The following LRBA variants were observed in gnomAD, a reference collection of about 807,000 sequenced individuals.
The protein encoded by LRBA is lipopolysaccharide-responsive and beige-like anchor protein.
LRBA carries 176 observed loss-of-function variants against 330.0 expected under a neutral mutation model. The ratio of observed to expected loss-of-function variants is 0.53; its 90% CI spans 0.47 to 0.60. LRBA has a LOEUF of 0.60. LRBA is among the 20% of genes least tolerant of loss of function. The probability of loss-of-function intolerance (pLI) is 0.00; values close to 1 mark genes in which losing one functional copy is unlikely to be tolerated. For missense variants in LRBA, 3,259 were observed against 3,444.8 expected (o/e 0.95, Z 1.35); for synonymous variants, 1,230 against 1,193.0 (o/e 1.03, Z -0.64).
At position 150,850,800 on chromosome 4, in the gene LRBA, T is replaced by G; in HGVS notation, c.3928A>C (p.Asn1310His). The G allele has an allele frequency of 4.3e-6, 7 of 1,613,730 alleles. No individual in the cohort carries two copies. Among genetic ancestry groups the G allele is most frequent in the Non-Finnish European group, 5.9e-6 (7 of 1,179,636 alleles). ...AAACGTTGATGCATCTGAGACCAGT[T>G]GAACTCAGGAATACGAAACACAGTA... ...RSTVFRIPEF[N>H]WSQMHQRLLT... is the part of the protein sequence containing the mutation. Residue 1310 changes from asparagine (N) to histidine (H), a missense_variant, in exon 24 of 57, where the codon AAC becomes CAC. Transcript: ENST00000651943.
At chr4:150,476,082 G>A (rs1403845145) in intron 42 of LRBA, among the ~76,000 whole-genome samples, 2 of 151,928 alleles carry the variant, frequency 1.3e-5, no homozygotes, top group Middle Eastern at 3.2e-3. Flanking sequence ...CTTCTTCAGT[G>A]TTTTTGCTTT....
At chr4:150,524,754 G>C (rs1763282668) in intron 40 of LRBA, among the ~76,000 whole-genome samples, 1 of 152,110 alleles carries the variant, frequency 6.6e-6, no homozygotes, top group African/African-American at 2.4e-5. Flanking sequence ...GTGAAATACT[G>C]CCTGTAAACT....
chr4:150,296,114 A>G (rs1178487299), intron 53 of LRBA, among the ~76,000 whole-genome samples: 1 of 152,198 alleles, frequency 6.6e-6, no homozygotes, highest in Admixed American at 6.5e-5. Context: ...GGTTTTATCT[A>G]TTTATCCTAA....
At chr4:150,778,246 T>C (rs772062869) in intron 34 of LRBA, among the ~76,000 whole-genome samples, 1 of 152,160 alleles carries the variant, frequency 6.6e-6, no homozygotes, top group African/African-American at 2.4e-5. Context: ...AAGTTTTGGT[T>C]TCCCTTATTT....
intron 37 of LRBA, among the ~76,000 whole-genome samples, chr4:150,640,926 T>C (rs1373193818): frequency 6.6e-6 from 1 of 152,218 alleles, no homozygotes; most frequent in Non-Finnish European, 1.5e-5. Context: ...TTTCTAGATT[T>C]GTCTACAACC....
At chr4:150,670,999 G>GGTGT (rs1561497148) in intron 37 of LRBA, among the ~76,000 whole-genome samples, 2 of 67,718 alleles carry the variant, frequency 3.0e-5, no homozygotes, top group South Asian at 4.6e-4. Flanking sequence ...CAACATAGCT[G>GGTGT]ATGTGTGTGT....
At position 150,588,148 on chromosome 4, in the gene LRBA, G is replaced by T. The variant is rs748043780; in HGVS notation, c.6230C>A (p.Ala2077Asp). 6 of 1,611,060 alleles carry T rather than the reference G, an allele frequency of 3.7e-6. No homozygotes were observed. Among genetic ancestry groups the T allele is most frequent in the Non-Finnish European group, 5.1e-6 (6 of 1,178,640 alleles). Residue 2077 changes from alanine (A) to aspartate (D), a missense_variant, in exon 40 of 57, where the codon GCC (alanine) becomes GAC (aspartate). Coordinates refer to ENST00000651943, the MANE Select transcript of LRBA (RefSeq NM_001364905.1). ...VSLSTPAQLV[A>D]PSVVVKGTLS... is the part of the protein sequence containing the mutation. ...AGTGCCCTTTACTACAACAGAGGGGGCCACAAGCTGAGCTGGTGTGCTCAG... is the reference window on the plus strand; with the variant it reads ...AGTGCCCTTTACTACAACAGAGGGGTCCACAAGCTGAGCTGGTGTGCTCAG...
At chr4:150,969,015 A>G (rs1171968205) in intron 2 of LRBA, among the ~76,000 whole-genome samples, 1 of 152,222 alleles carries the variant, frequency 6.6e-6, no homozygotes, top group Non-Finnish European at 1.5e-5. Flanking sequence ...ATGACTGCAT[A>G]TCTGTTCACA....
At position 150,884,488 on chromosome 4, in the gene LRBA, A is replaced by G. The variant is rs554150446; in HGVS notation, c.2165+8564T>C. Among the ~76,000 whole-genome samples, 7 of 152,204 alleles carry G rather than the reference A, an allele frequency of 4.6e-5. No individual in the cohort carries two copies. In the South Asian group the frequency reaches 1.5e-3, roughly 32 times the overall value. On this transcript the variant is annotated intron_variant, in intron 17 of 56. Transcript: ENST00000651943. ...TGCAATCCCTAAAAATATACAGATC[A>G]ACACAGTGGGCCTAAGGGCTGAAGG... is the stretch of plus-strand genomic sequence containing the variant.
intron 56 of LRBA, among the ~76,000 whole-genome samples, chr4:150,268,059 C>CAAAAA (rs199767343): frequency 1.7e-5 from 2 of 115,292 alleles, no homozygotes; most frequent in Admixed American, 8.8e-5. Context: ...GACTCCATCT[C>CAAAAA]AAAAAAAAAA....
At chr4:150,522,384 G>C (rs1763011958) in intron 40 of LRBA, among the ~76,000 whole-genome samples, 1 of 152,212 alleles carries the variant, frequency 6.6e-6, no homozygotes, top group South Asian at 2.1e-4. Context: ...ATTTAAAGCA[G>C]TTTTGGAACT....
intron 44 of LRBA, among the ~76,000 whole-genome samples, chr4:150,450,559 T>C (rs1362118903): frequency 6.6e-6 from 1 of 152,242 alleles, no homozygotes; most frequent in Non-Finnish European, 1.5e-5. Context: ...CCAGTCATAT[T>C]GGATTTGGGC....
intron 34 of LRBA, among the ~76,000 whole-genome samples, chr4:150,766,287 A>G (rs560671593): frequency 6.6e-6 from 1 of 152,190 alleles, no homozygotes; most frequent in East Asian, 1.9e-4. Context: ...TCATTTCTCT[A>G]TAATACAGTC....
intron 53 of LRBA, among the ~76,000 whole-genome samples, chr4:150,294,562 C>T (rs1472842): frequency 0.5 from 76,026 of 152,058 alleles, 19,994 homozygotes; most frequent in Non-Finnish European, 0.59. Context: ...ACAGTAGATA[C>T]CACACAGGGC....
chr4:150,884,246 GC>G (rs1309670094), intron 17 of LRBA, among the ~76,000 whole-genome samples: 1 of 152,174 alleles, frequency 6.6e-6, no homozygotes, highest in Non-Finnish European at 1.5e-5. Context: ...GAAACCAGCA[GC>G]TTTGCTAGAT....
chr4:150,267,007 C>T (rs1260658266), intron 56 of LRBA, among the ~76,000 whole-genome samples: 1 of 151,948 alleles, frequency 6.6e-6, no homozygotes, highest in African/African-American at 2.4e-5. Flanking sequence ...AGAAATATAA[C>T]AATTATATAT....
chr4:150,599,214 G>A (rs539845435), intron 37 of LRBA, 83 bp from the exon 38 acceptor site: 6 of 1,468,708 alleles, frequency 4.1e-6, no homozygotes, highest in Admixed American at 3.8e-5. Flanking sequence ...AGCTCTCCTT[G>A]TTTGCTCTGC....
intron 37 of LRBA, among the ~76,000 whole-genome samples, chr4:150,679,067 AC>A (rs1782826359): frequency 6.6e-6 from 1 of 152,312 alleles, no homozygotes; most frequent in Non-Finnish European, 1.5e-5. Context: ...AAAAGAAAAT[AC>A]GTCAAGATGA....
chr4:150,693,563 CAAAAAAAAA>C (rs70941428), intron 36 of LRBA, among the ~76,000 whole-genome samples: 5 of 52,710 alleles, frequency 9.5e-5, no homozygotes, highest in African/African-American at 2.7e-4. Flanking sequence ...GACTCCGTCT[CAAAAAAAAA>C]AAAAAAAAAA....
Sources: allele counts gnomAD v4.1 joint callset (sites outside exome capture counted in the v4.1 genomes callset), GRCh38; gene constraint gnomAD v4.1.1; transcripts MANE v1.5; gene names NCBI Gene and HGNC (gene_info 2026-07-23, HGNC 2026-07-21).